The following LIPI variants were observed in gnomAD, a reference collection of about 807,000 sequenced individuals.
LIPI encodes the protein lipase I, also known as lipase member I.
Under a neutral mutation model 50.6 loss-of-function variants are expected in LIPI, and 59 were observed. The ratio of observed to expected loss-of-function variants is 1.16; its 90% CI spans 0.94 to 1.45. The LOEUF is 1.45. Among genes scored for constraint, LIPI ranks in the 40% most tolerant of loss-of-function variants. The probability of loss-of-function intolerance (pLI) is 0.00; values close to 1 mark genes in which losing one functional copy is unlikely to be tolerated. For missense variants in LIPI, 586 were observed against 536.3 expected (o/e 1.09, Z -0.92); for synonymous variants, 203 against 178.2 (o/e 1.14, Z -1.11).
rs1317750911 is a variant in LIPI at position 14,189,151 on chromosome 21, A to G, written c.315T>C (p.Asp105=). ...NFVRILLNEE[D]MNVIVVDWSR... is the part of the protein sequence containing the mutation. Reference sequence around the variant, plus strand: ...TCCAGTCTACTACAATTACATTCATATCTTCTTCATTCAGCAAAATCCTTA... The same window carrying G: ...TCCAGTCTACTACAATTACATTCATGTCTTCTTCATTCAGCAAAATCCTTA... The change falls in exon 2 of 10, where the codon GAT becomes GAC. Residue 105 remains aspartate (D), a synonymous_variant. Transcript: ENST00000681601. 6.2e-7 allele frequency: 1 copy of G among 1,614,146 alleles called. No homozygotes were observed. The highest frequency in any genetic ancestry group is 8.5e-7 in the Non-Finnish European group (1 of 1,180,014).
intron 1 of LIPI, among the ~76,000 whole-genome samples, chr21:14,190,550 T>C (rs2019635411): frequency 1.3e-5 from 2 of 152,182 alleles, no homozygotes; most frequent in Admixed American, 1.3e-4. Flanking sequence ...TGAGATAATA[T>C]GCATTTCTTA....
intron 4 of LIPI, among the ~76,000 whole-genome samples, chr21:14,169,589 T>G (rs2018817098): frequency 6.6e-6 from 1 of 152,174 alleles, no homozygotes; most frequent in African/African-American, 2.4e-5. Context: ...ACATGGAAAC[T>G]GAACAATCTG....
At chr21:14,197,172 G>A in intron 1 of LIPI, among the ~76,000 whole-genome samples, 1 of 151,396 alleles carries the variant, frequency 6.6e-6, no homozygotes, top group East Asian at 1.9e-4. Context: ...TTAAATATAA[G>A]TTAAAATAGA....
chr21:14,158,593 A>T (rs767013594), intron 7 of LIPI, among the ~76,000 whole-genome samples: 5 of 145,610 alleles, frequency 3.4e-5, no homozygotes, highest in Non-Finnish European at 7.5e-5. Flanking sequence ...TATATATTTT[A>T]TATATATATT....
chr21:14,198,793 A>T (rs893323280), intron 1 of LIPI, among the ~76,000 whole-genome samples: 1 of 151,856 alleles, frequency 6.6e-6, no homozygotes, highest in Non-Finnish European at 1.5e-5. Context: ...TCCACATAAA[A>T]CAATAGAATA....
At chr21:14,167,532 T>C (rs2018734688) in intron 4 of LIPI, among the ~76,000 whole-genome samples, 1 of 152,128 alleles carries the variant, frequency 6.6e-6, no homozygotes, top group Non-Finnish European at 1.5e-5. Flanking sequence ...AGAGGAATGA[T>C]CAGACAGCAG....
intron 2 of LIPI, among the ~76,000 whole-genome samples, chr21:14,188,798 A>G (rs747777369): frequency 1.1e-4 from 16 of 152,136 alleles, no homozygotes; most frequent in Non-Finnish European, 1.8e-4. Flanking sequence ...ACTAAATTTT[A>G]ATATAATGTT....
intron 8 of LIPI, among the ~76,000 whole-genome samples, chr21:14,149,503 C>G (rs952844054): frequency 5.3e-5 from 8 of 152,154 alleles, no homozygotes; most frequent in Non-Finnish European, 1.0e-4. Flanking sequence ...AACAGTCCCC[C>G]AAAGTCTTAA....
intron 9 of LIPI, among the ~76,000 whole-genome samples, chr21:14,129,798 G>GT (rs567972643): frequency 0.012 from 1,202 of 101,710 alleles, 21 homozygotes; most frequent in African/African-American, 0.03. Context: ...GACTCTAATT[G>GT]TTTTTTTTTT....
chr21:14,197,961 A>G (rs1330610986), intron 1 of LIPI, among the ~76,000 whole-genome samples: 4 of 152,198 alleles, frequency 2.6e-5, no homozygotes, highest in Admixed American at 6.6e-5. Flanking sequence ...TTGGGAGCCA[A>G]TGTTCAAGAT....
chr21:14,117,072 G>A (rs1263421148), intron 9 of LIPI, among the ~76,000 whole-genome samples: 1 of 152,082 alleles, frequency 6.6e-6, no homozygotes, highest in African/African-American at 2.4e-5. Context: ...ATCAAAGGAG[G>A]AACTCCAGGA....
chr21:14,178,930 C>G (rs2019180468), intron 4 of LIPI, among the ~76,000 whole-genome samples: 1 of 152,140 alleles, frequency 6.6e-6, no homozygotes, highest in Admixed American at 6.6e-5. Flanking sequence ...AAACAAAAAA[C>G]TCAGTAAACG....
chr21:14,187,469 G>C (rs889116196), intron 2 of LIPI, among the ~76,000 whole-genome samples: 1 of 152,142 alleles, frequency 6.6e-6, no homozygotes. Context: ...AGTGCTGCCG[G>C]TCATTTAAAT....
chr21:14,157,121 T>C (rs959757155), intron 7 of LIPI, among the ~76,000 whole-genome samples: 2 of 151,892 alleles, frequency 1.3e-5, no homozygotes, highest in Non-Finnish European at 2.9e-5. Context: ...GCCAGATTTC[T>C]CCTTGGTGCT....
intron 9 of LIPI, among the ~76,000 whole-genome samples, chr21:14,134,036 G>A (rs1387855180): frequency 6.6e-6 from 1 of 151,950 alleles, no homozygotes; most frequent in Non-Finnish European, 1.5e-5. Context: ...GATCAGCCTG[G>A]GCAACATAGG....
At chr21:14,173,753 G>A (rs890566258) in intron 4 of LIPI, among the ~76,000 whole-genome samples, 2 of 151,802 alleles carry the variant, frequency 1.3e-5, no homozygotes, top group Admixed American at 6.6e-5. Flanking sequence ...AGAACACTGG[G>A]CATGTACACT....
intron 8 of LIPI, among the ~76,000 whole-genome samples, chr21:14,148,861 C>T (rs2017994122): frequency 6.6e-6 from 1 of 152,198 alleles, no homozygotes; most frequent in African/African-American, 2.4e-5. Context: ...GTATATGTTC[C>T]TGTATTTTAT....
intron 4 of LIPI, among the ~76,000 whole-genome samples, chr21:14,177,464 T>A (rs2019135598): frequency 6.6e-6 from 1 of 152,046 alleles, no homozygotes; most frequent in Non-Finnish European, 1.5e-5. Flanking sequence ...TATCTTATTA[T>A]CTACCTTCTA....
At chr21:14,151,470 C>G (rs556018196) in intron 8 of LIPI, among the ~76,000 whole-genome samples, 5 of 152,198 alleles carry the variant, frequency 3.3e-5, no homozygotes, top group African/African-American at 1.2e-4. Context: ...TTCCTGAAAC[C>G]CTAATGTGTT....
Sources: allele counts gnomAD v4.1 joint callset (sites outside exome capture counted in the v4.1 genomes callset), GRCh38; gene constraint gnomAD v4.1.1; transcripts MANE v1.5; gene names NCBI Gene and HGNC (gene_info 2026-07-23, HGNC 2026-07-21).